SPOCK1: variants seen among roughly 807,000 people sequenced by gnomAD.
SPOCK1 encodes the protein SPARC (osteonectin), cwcv and kazal like domains proteoglycan 1.
Under a neutral mutation model 55.3 loss-of-function variants are expected in SPOCK1, and 23 were observed. The ratio of observed to expected loss-of-function variants is 0.42; its 90% CI spans 0.30 to 0.59. The LOEUF (loss-of-function observed/expected upper bound fraction) is 0.59. Ranked by LOEUF, SPOCK1 falls within the 20% of genes least tolerant of loss-of-function variation. SPOCK1 has a pLI of 0.22. For synonymous variants in SPOCK1, 226 were observed against 221.0 expected (o/e 1.02, Z -0.20); for missense variants, 499 against 552.5 (o/e 0.90, Z 0.97).
intron 3 of SPOCK1, among the ~76,000 whole-genome samples, chr5:137,158,181 T>C (rs1360284204): frequency 1.3e-5 from 2 of 152,206 alleles, no homozygotes; most frequent in Non-Finnish European, 2.9e-5. Flanking sequence ...CTCCCCATCC[T>C]GGTGATTCCA....
chr5:137,146,127 C>A (rs1345264625), intron 3 of SPOCK1, among the ~76,000 whole-genome samples: 1 of 152,164 alleles, frequency 6.6e-6, no homozygotes, highest in Non-Finnish European at 1.5e-5. Context: ...GAAAGTGGCA[C>A]TTAGTAAGAA....
At chr5:137,275,532 C>T (rs1401786692) in intron 2 of SPOCK1, among the ~76,000 whole-genome samples, 4 of 152,194 alleles carry the variant, frequency 2.6e-5, no homozygotes, top group Non-Finnish European at 4.4e-5. Flanking sequence ...GTAGCCTCCA[C>T]ACTGGGATGT....
chr5:137,238,195 C>T (rs1441700135), intron 3 of SPOCK1, among the ~76,000 whole-genome samples: 2 of 152,202 alleles, frequency 1.3e-5, no homozygotes, highest in Non-Finnish European at 2.9e-5. Context: ...ACAATTACTT[C>T]AGTTAACTAA....
intron 2 of SPOCK1, among the ~76,000 whole-genome samples, chr5:137,275,437 T>C (rs1176659485): frequency 6.6e-6 from 1 of 152,212 alleles, no homozygotes; most frequent in Non-Finnish European, 1.5e-5. Flanking sequence ...GGTTTCCACC[T>C]TGGCTGATGG....
At chr5:137,348,563 C>A (rs1049885754) in intron 2 of SPOCK1, among the ~76,000 whole-genome samples, 3 of 152,048 alleles carry the variant, frequency 2.0e-5, no homozygotes, top group African/African-American at 7.2e-5. Flanking sequence ...ATGATTATAG[C>A]TGACTTTGAT....
At chr5:137,454,368 G>A (rs939234522) in intron 2 of SPOCK1, among the ~76,000 whole-genome samples, 15 of 152,136 alleles carry the variant, frequency 9.9e-5, no homozygotes, top group African/African-American at 3.4e-4. Context: ...AAACACATTC[G>A]GAGGATCACT....
intron 2 of SPOCK1, among the ~76,000 whole-genome samples, chr5:137,371,431 C>G (rs1487689376): frequency 6.6e-6 from 1 of 152,130 alleles, no homozygotes; most frequent in African/African-American, 2.4e-5. Context: ...TCATGAAAAC[C>G]TGATTTTTCA....
chr5:137,281,898 C>T (rs1030680900), intron 2 of SPOCK1, among the ~76,000 whole-genome samples: 11 of 152,198 alleles, frequency 7.2e-5, no homozygotes, highest in South Asian at 6.2e-4. Flanking sequence ...CTAAAATTAA[C>T]GGTTCTGTTT....
chr5:137,096,147 G>A (rs1753141527), intron 5 of SPOCK1, among the ~76,000 whole-genome samples: 1 of 152,162 alleles, frequency 6.6e-6, no homozygotes, highest in African/African-American at 2.4e-5. Context: ...GAGATGCCAT[G>A]TGGTTCACCC....
At chr5:137,468,362 T>G (rs1277672228) in intron 2 of SPOCK1, among the ~76,000 whole-genome samples, 1 of 152,214 alleles carries the variant, frequency 6.6e-6, no homozygotes, top group African/African-American at 2.4e-5. Context: ...TTTAAAGAAC[T>G]TTCCTGCAAG....
chr5:137,294,947 C>T (rs1206456831), intron 2 of SPOCK1, among the ~76,000 whole-genome samples: 2 of 152,212 alleles, frequency 1.3e-5, no homozygotes, highest in Admixed American at 1.3e-4. Flanking sequence ...AGACCAAACT[C>T]CTCTTTCCAC....
chr5:136,991,174 C>T (rs1347175578), intron 7 of SPOCK1, among the ~76,000 whole-genome samples: 2 of 152,088 alleles, frequency 1.3e-5, no homozygotes, highest in Admixed American at 6.5e-5. Context: ...AGCAGCTGCT[C>T]TCCTCACATC....
chr5:137,483,821 C>T (rs2149843138), intron 2 of SPOCK1, among the ~76,000 whole-genome samples: 1 of 152,276 alleles, frequency 6.6e-6, no homozygotes, highest in South Asian at 2.1e-4. Context: ...GGAATCACTG[C>T]TCTAGGCCTG....
intron 2 of SPOCK1, among the ~76,000 whole-genome samples, chr5:137,487,385 C>G (rs1048538005): frequency 6.8e-6 from 1 of 147,024 alleles, no homozygotes; most frequent in Non-Finnish European, 1.5e-5. Context: ...GAACTGACTA[C>G]ACCAAAAAGA....
intron 3 of SPOCK1, among the ~76,000 whole-genome samples, chr5:137,182,343 G>A (rs1259383997): frequency 6.6e-6 from 1 of 152,102 alleles, no homozygotes; most frequent in East Asian, 1.9e-4. Context: ...CCCTTCCCCA[G>A]GCTGAATCTT....
rs143458987 is a variant in SPOCK1 at position 137,498,475 on chromosome 5, G to T, written c.84C>A (p.Ala28=). ...QVESRHLDAL[A]GGAGPNHGNF... ...TGCCGTGGTTGGGGCCCGCGCCTCC[G>T]GCGAGCGCGTCCAGGTGCCGGCTCT... Residue 28 remains alanine (A), a synonymous_variant, in exon 2 of 11, where the codon GCC becomes GCA. Transcript: ENST00000394945. The T allele has an allele frequency of 3.3e-3, 5,241 of 1,603,158 alleles. 113 individuals carry two copies. The South Asian group carries it at 0.039, about 12-fold the overall frequency.
At chr5:137,171,504 C>T (rs1754754661) in intron 3 of SPOCK1, among the ~76,000 whole-genome samples, 1 of 152,164 alleles carries the variant, frequency 6.6e-6, no homozygotes, top group African/African-American at 2.4e-5. Context: ...CAGGACCCAG[C>T]TGGTATTGTG....
intron 2 of SPOCK1, among the ~76,000 whole-genome samples, chr5:137,280,976 A>C (rs1757156850): frequency 6.6e-6 from 1 of 152,168 alleles, no homozygotes; most frequent in African/African-American, 2.4e-5. Flanking sequence ...AGAAGAAGAG[A>C]AGGGAATACA....
intron 2 of SPOCK1, among the ~76,000 whole-genome samples, chr5:137,451,760 G>C (rs149896146): frequency 7.3e-4 from 111 of 152,318 alleles, no homozygotes; most frequent in African/African-American, 2.5e-3. Flanking sequence ...ATTCTGGCTT[G>C]TATAAGATGC....
Sources: allele counts gnomAD v4.1 joint callset (sites outside exome capture counted in the v4.1 genomes callset), GRCh38; gene constraint gnomAD v4.1.1; transcripts MANE v1.5; gene names NCBI Gene and HGNC (gene_info 2026-07-23, HGNC 2026-07-21).